The following UBAP2 variants were observed in gnomAD, a reference collection of about 807,000 sequenced individuals.
UBAP2 encodes the protein ubiquitin-associated protein 2.
A neutral mutation model predicts 139.6 loss-of-function variants in UBAP2; 75 were observed. The ratio of observed to expected loss-of-function variants is 0.54; its 90% CI spans 0.45 to 0.65. The LOEUF is 0.65. Ranked by LOEUF, UBAP2 falls within the 30% of genes least tolerant of loss-of-function variation. The pLI is 0.00. For missense variants in UBAP2, 1,368 were observed against 1,369.6 expected (o/e 1.00, Z 0.02); for synonymous variants, 526 against 526.2 (o/e 1.00, Z 0.01).
At chr9:33,942,195 C>G (rs1173060454) in intron 15 of UBAP2, among the ~76,000 whole-genome samples, 1 of 152,004 alleles carries the variant, frequency 6.6e-6, no homozygotes, top group Admixed American at 6.6e-5. Context: ...ACCTGTAATC[C>G]CAGCCACTCT....
intron 6 of UBAP2, among the ~76,000 whole-genome samples, 199 bp from the exon 7 acceptor site, chr9:33,973,436 A>C (rs1828059831): frequency 1.3e-5 from 2 of 152,342 alleles, no homozygotes; most frequent in Middle Eastern, 3.4e-3. Context: ...CTAAGGCTAG[A>C]AAAGAATTAA....
At chr9:34,023,012 G>A (rs1825096048) in intron 1 of UBAP2, among the ~76,000 whole-genome samples, 1 of 152,024 alleles carries the variant, frequency 6.6e-6, no homozygotes. Context: ...GGATCACGAG[G>A]TCAGGAGATG....
At chr9:33,971,845 C>A in intron 7 of UBAP2, 91 bp from the exon 8 acceptor site, 1 of 739,962 alleles carries the variant, frequency 1.4e-6, no homozygotes, top group East Asian at 2.5e-5. Flanking sequence ...CCAAACAAGC[C>A]CAGTGCCTTC....
intron 1 of UBAP2, among the ~76,000 whole-genome samples, chr9:34,025,184 T>C (rs1825304055): frequency 6.6e-6 from 1 of 152,140 alleles, no homozygotes; most frequent in African/African-American, 2.4e-5. Context: ...CCTCCTTTTC[T>C]GGGAAATGGA....
rs371610450 is a variant in UBAP2 at position 33,965,451 on chromosome 9, A to G, written c.680-1660T>C. 1.2e-3 allele frequency among the ~76,000 whole-genome samples: 183 copies of G among 152,254 alleles called. 10 individuals carry two copies. In the South Asian group the frequency reaches 0.037, roughly 31 times the overall value. On this transcript the variant is annotated intron_variant, in intron 8 of 28. Coordinates refer to ENST00000379238, the MANE Select transcript of UBAP2 (RefSeq NM_001370062.2). The stretch of plus-strand genomic sequence containing the variant: ...AGAAGAATTTTACAATTTTTGATAA[A>G]ATGTACTTTGTCAATTTTCTCTTTT...
chr9:33,961,101 T>G (rs1229378734), intron 9 of UBAP2, among the ~76,000 whole-genome samples: 3 of 152,216 alleles, frequency 2.0e-5, no homozygotes, highest in African/African-American at 7.2e-5. Context: ...CAAATGCAAC[T>G]TGACTAGTAG....
Position 33,922,269 on chromosome 9 carries a change from C to T in UBAP2, c.*235G>A. ...AAGGGGCTTGAATGGGGAGGGCAGA[C>T]CTGGCTAACATCTGCCGCCATCCCC... On this transcript the variant is annotated 3_prime_UTR_variant, in exon 29 of 29. Transcript: ENST00000379238. The T allele has an allele frequency of 1.9e-6, 1 of 525,870 alleles. No individual in the cohort carries two copies. The highest frequency in any genetic ancestry group is 3.4e-6 in the Non-Finnish European group (1 of 292,436). The allele number at this position is 525,870 out of a possible 1,614,324, so 32.6% of individuals were successfully genotyped here.
At position 33,999,324 on chromosome 9, in the gene UBAP2, TA is replaced by T. The variant is rs201516750; in HGVS notation, c.100-461del. ...GTCTCTATTTAATTTTTAAAAAGAT[TA>T]AAAAAAAAAAAGGCTTAAAAAGTAA... On this transcript the variant is annotated intron_variant, in intron 2 of 28. Coordinates refer to ENST00000379238, the MANE Select transcript of UBAP2 (RefSeq NM_001370062.2). Among the ~76,000 whole-genome samples, 802 of 133,426 alleles carry T rather than the reference TA, an allele frequency of 6.0e-3. 3 individuals are homozygous for T. The highest frequency in any genetic ancestry group is 0.015 in the Middle Eastern group (4 of 270). The allele number at this position is 133,426 out of a possible 152,430, so 87.5% of individuals were successfully genotyped here.
chr9:33,937,986 G>A (rs1357094544), intron 16 of UBAP2, among the ~76,000 whole-genome samples: 1 of 151,916 alleles, frequency 6.6e-6, no homozygotes. Context: ...TTGTTTTGGG[G>A]GGTTTCTTTT....
chr9:33,923,958 G>A lies in UBAP2; in HGVS notation c.2633C>T (p.Ala878Val), dbSNP rs778394475. 42 of 1,613,992 alleles carry A rather than the reference G, an allele frequency of 2.6e-5. No homozygotes were observed. In the Admixed American group the frequency reaches 6.3e-4, roughly 24 times the overall value. ...KFGRGDSASPAPATTPAQPQQ... is the reference protein window; with the variant it reads ...KFGRGDSASPVPATTPAQPQQ... ...TGGCTGAGCTGGTGTGGTAGCGGGT[G>A]CAGGGGATGCAGAGTCCCCACGGCC... The change falls in exon 24 of 29, where the codon GCA becomes GTA. Residue 878 changes from alanine to valine, a missense_variant. By Grantham distance (64) the Ala-to-Val change is moderately conservative. Transcript: ENST00000379238.
At chr9:34,039,196 G>T (rs1450047987) in intron 1 of UBAP2, among the ~76,000 whole-genome samples, 3 of 150,834 alleles carry the variant, frequency 2.0e-5, no homozygotes, top group Non-Finnish European at 4.4e-5. Context: ...GAGGTGGGGG[G>T]CAGCCCCCGC....
rs1825389511 is a variant in UBAP2 at position 33,943,299 on chromosome 9, G to T, written c.1715+121C>A. On this transcript the variant is annotated intron_variant, in intron 15 of 28. Transcript: ENST00000379238. ...TGCTACAGGTATGGGGTTTCTTATG[G>T]AGATGATGGAAGGTCTGGATAAACA... 1.0e-5 allele frequency: 10 copies of T among 960,264 alleles called. No individual in the cohort carries two copies. In the South Asian group the frequency reaches 2.1e-4, roughly 20 times the overall value. The allele number at this position is 960,264 out of a possible 1,614,324, so 59.5% of individuals were successfully genotyped here.
intron 2 of UBAP2, among the ~76,000 whole-genome samples, chr9:34,006,910 CT>C (rs1188259818): frequency 6.6e-6 from 1 of 152,072 alleles, no homozygotes. Flanking sequence ...ATATTATTTA[CT>C]AAATGGCCAA....
chr9:33,988,719 G>A (rs576776635), intron 5 of UBAP2, among the ~76,000 whole-genome samples: 23 of 152,286 alleles, frequency 1.5e-4, no homozygotes, highest in African/African-American at 4.8e-4. Context: ...CATGGGAGGC[G>A]CTTATGAAAC....
intron 1 of UBAP2, among the ~76,000 whole-genome samples, chr9:34,039,871 A>AAG (rs1826896165): frequency 6.7e-6 from 1 of 148,382 alleles, no homozygotes; most frequent in African/African-American, 2.5e-5. Flanking sequence ...AAAAAAAAAA[A>AAG]ATACAAGCCG....
chr9:34,034,352 T>C (rs1180371277), intron 1 of UBAP2, among the ~76,000 whole-genome samples: 1 of 152,220 alleles, frequency 6.6e-6, no homozygotes, highest in East Asian at 1.9e-4. Context: ...TATATTGCTT[T>C]TATTTTACTG....
intron 12 of UBAP2, among the ~76,000 whole-genome samples, chr9:33,951,304 C>G (rs1826075652): frequency 6.8e-6 from 1 of 147,974 alleles, no homozygotes; most frequent in Non-Finnish European, 1.5e-5. Context: ...AGGGATGAGC[C>G]ACCATGCCAT....
intron 12 of UBAP2, among the ~76,000 whole-genome samples, chr9:33,950,467 G>T (rs1349939859): frequency 3.3e-5 from 5 of 152,218 alleles, no homozygotes; most frequent in Non-Finnish European, 5.9e-5. Context: ...AACATTCAAA[G>T]ACAAGGAATG....
intron 22 of UBAP2, among the ~76,000 whole-genome samples, chr9:33,925,188 C>A (rs374901784): frequency 6.6e-6 from 1 of 152,122 alleles, no homozygotes; most frequent in East Asian, 1.9e-4. Flanking sequence ...GGGCTGTGCC[C>A]GATCCCAGAA....
Sources: gnomAD v4.1 joint callset for allele counts (sites outside exome capture counted in the v4.1 genomes callset) on GRCh38, gnomAD v4.1.1 for gene constraint, MANE v1.5 for transcripts, NCBI Gene and HGNC (gene_info 2026-07-23, HGNC 2026-07-21) for gene names.